E2F3: variants seen among roughly 807,000 people sequenced by gnomAD.
The protein encoded by E2F3 is E2F transcription factor 3, also known as transcription factor E2F3.
A neutral mutation model predicts 44.4 loss-of-function variants in E2F3; 11 were observed. That is an observed-to-expected ratio of 0.25 (90% CI 0.16 to 0.41). E2F3 has a LOEUF of 0.41. Ranked by LOEUF, E2F3 falls within the 10% of genes least tolerant of loss-of-function variation. E2F3 has a pLI of 1.00. For missense variants in E2F3, 487 were observed against 583.6 expected, an observed-to-expected ratio of 0.83 and a Z score of 1.70; for synonymous variants, 249 against 253.0, an observed-to-expected ratio of 0.98 and a Z score of 0.15.
rs1761740779 is a variant in E2F3 at position 20,467,122 on chromosome 6, A to C, written c.394-12724A>C. 2.0e-5 allele frequency among the ~76,000 whole-genome samples: 3 copies of C among 152,116 alleles called. No individual in the cohort carries two copies. In the East Asian group the frequency reaches 5.8e-4, roughly 29 times the overall value. On this transcript the variant is annotated intron_variant, in intron 1 of 6. Transcript: ENST00000346618. ...GTTTGTATTAGCATCTGTAAGACTC[A>C]TGAGGGGAAACTGAGCAAGTACATC... is the stretch of plus-strand genomic sequence containing the variant.
intron 1 of E2F3, among the ~76,000 whole-genome samples, chr6:20,471,970 T>G (rs1761903476): frequency 6.6e-6 from 1 of 151,814 alleles, no homozygotes; most frequent in South Asian, 2.1e-4. Context: ...TTTATATTTC[T>G]TGAAAGTCTT....
At chr6:20,482,650 C>G in intron 3 of E2F3, 112 bp from the exon 4 acceptor site, 1 of 877,216 alleles carries the variant, frequency 1.1e-6, no homozygotes, top group Non-Finnish European at 1.7e-6. Context: ...TAACACTTGG[C>G]TAACAAGCAA....
intron 1 of E2F3, among the ~76,000 whole-genome samples, chr6:20,417,121 T>G (rs1223853043): frequency 6.6e-6 from 1 of 152,242 alleles, no homozygotes; most frequent in Non-Finnish European, 1.5e-5. Flanking sequence ...TAAAAAATTT[T>G]TATAGCTGCA....
At chr6:20,432,124 C>T (rs1235051449) in intron 1 of E2F3, among the ~76,000 whole-genome samples, 4 of 152,214 alleles carry the variant, frequency 2.6e-5, no homozygotes, top group East Asian at 1.9e-4. Context: ...AGGAATTTAA[C>T]GGGGACGTGG....
chr6:20,413,473 G>A (rs1270359076), intron 1 of E2F3, among the ~76,000 whole-genome samples: 2 of 152,152 alleles, frequency 1.3e-5, no homozygotes, highest in African/African-American at 2.4e-5. Context: ...ACCTGCTCTC[G>A]TGGTTCCAAA....
chr6:20,445,794 T>G (rs1331867811), intron 1 of E2F3, among the ~76,000 whole-genome samples: 1 of 152,230 alleles, frequency 6.6e-6, no homozygotes, highest in African/African-American at 2.4e-5. Context: ...TGTTAAACAC[T>G]GAAATAAAGG....
intron 1 of E2F3, among the ~76,000 whole-genome samples, chr6:20,407,258 A>G (rs1179599313): frequency 6.6e-6 from 1 of 152,176 alleles, no homozygotes; most frequent in Non-Finnish European, 1.5e-5. Context: ...AAGTTTTAAT[A>G]TAATGCAGTG....
chr6:20,479,816 G>C, intron 1 of E2F3, 30 bp from the exon 2 acceptor site: 5 of 1,581,734 alleles, frequency 3.2e-6, no homozygotes, highest in Non-Finnish European at 4.3e-6. Flanking sequence ...CATATGACCG[G>C]TGACGAGAGA....
intron 1 of E2F3, among the ~76,000 whole-genome samples, chr6:20,439,096 G>A (rs1372095112): frequency 6.6e-6 from 1 of 152,114 alleles, no homozygotes; most frequent in Non-Finnish European, 1.5e-5. Flanking sequence ...AAGGTTTTCC[G>A]AAACATTCAA....
intron 1 of E2F3, among the ~76,000 whole-genome samples, chr6:20,438,821 C>T (rs1273773088): frequency 6.6e-6 from 1 of 152,210 alleles, no homozygotes; most frequent in African/African-American, 2.4e-5. Context: ...CCCGTGCTTT[C>T]TGCTCTGGAG....
chr6:20,411,898 C>A (rs751357082), intron 1 of E2F3, among the ~76,000 whole-genome samples: 16 of 152,190 alleles, frequency 1.1e-4, no homozygotes, highest in South Asian at 2.1e-4. Flanking sequence ...TCCAAGAAAT[C>A]GGTCTGGCTT....
chr6:20,470,972 T>C (rs988071444), intron 1 of E2F3, among the ~76,000 whole-genome samples: 7 of 152,248 alleles, frequency 4.6e-5, no homozygotes, highest in African/African-American at 1.7e-4. Context: ...GGAAATGATA[T>C]TGCTTTTCTT....
At chr6:20,438,841 G>A (rs773648661) in intron 1 of E2F3, among the ~76,000 whole-genome samples, 31 of 152,110 alleles carry the variant, frequency 2.0e-4, no homozygotes, top group East Asian at 3.8e-4. Context: ...GACCCCAGCC[G>A]GAGTAATTGT....
chr6:20,416,860 C>T (rs1759864314), intron 1 of E2F3, among the ~76,000 whole-genome samples: 3 of 152,194 alleles, frequency 2.0e-5, no homozygotes, highest in Admixed American at 6.5e-5. Flanking sequence ...ACACTTAAAA[C>T]TAGCAGTACC....
intron 1 of E2F3, among the ~76,000 whole-genome samples, chr6:20,433,173 G>A (rs914745751): frequency 5.3e-5 from 8 of 152,108 alleles, no homozygotes; most frequent in African/African-American, 1.9e-4. Context: ...GAGATTAAGG[G>A]GCATGGAAGA....
chr6:20,447,534 C>A (rs1486516019), intron 1 of E2F3, among the ~76,000 whole-genome samples: 4 of 148,892 alleles, frequency 2.7e-5, no homozygotes, highest in Non-Finnish European at 5.9e-5. Flanking sequence ...ACACTACTCT[C>A]AGCAATCTTT....
intron 1 of E2F3, among the ~76,000 whole-genome samples, chr6:20,434,578 C>G (rs1297074321): frequency 6.6e-6 from 1 of 152,104 alleles, no homozygotes; most frequent in African/African-American, 2.4e-5. Context: ...TTCATTATTT[C>G]CAAAAATATT....
chr6:20,457,835 A>G (rs1236946400), intron 1 of E2F3, among the ~76,000 whole-genome samples: 1 of 152,232 alleles, frequency 6.6e-6, no homozygotes, highest in African/African-American at 2.4e-5. Flanking sequence ...TTCCTGCAGC[A>G]ACACACTACC....
intron 1 of E2F3, among the ~76,000 whole-genome samples, chr6:20,415,104 T>C (rs928529699): frequency 1.3e-5 from 2 of 152,236 alleles, no homozygotes; most frequent in Admixed American, 1.3e-4. Flanking sequence ...GGAAAACTAT[T>C]GGACAGGCTC....
Sources: gnomAD v4.1 joint callset for allele counts (sites outside exome capture counted in the v4.1 genomes callset) on GRCh38, gnomAD v4.1.1 for gene constraint, MANE v1.5 for transcripts, NCBI Gene and HGNC (gene_info 2026-07-23, HGNC 2026-07-21) for gene names.